Variants in IL1RAPL1 observed in about 807,000 individuals in gnomAD.
IL1RAPL1 encodes the protein interleukin-1 receptor accessory protein-like 1.
In IL1RAPL1, 3 loss-of-function variants were observed where a neutral mutation model predicts 48.4. The observed-to-expected ratio is 0.06, with a 90% CI of 0.03 to 0.16. The LOEUF (loss-of-function observed/expected upper bound fraction) is 0.16. Ranked by LOEUF, IL1RAPL1 falls within the 10% of genes least tolerant of loss-of-function variation. The pLI is 1.00. For missense variants in IL1RAPL1, 349 were observed against 530.6 expected, an observed-to-expected ratio of 0.66 and a Z score of 3.36; for synonymous variants, 185 against 187.7, an observed-to-expected ratio of 0.99 and a Z score of 0.12.
intron 2 of IL1RAPL1, among the ~76,000 whole-genome samples, chrX:28,843,410 A>T (rs1324577866): frequency 8.9e-6 from 1 of 111,785 alleles, no homozygotes; most frequent in Non-Finnish European, 1.9e-5. Flanking sequence ...AGCTGAACGT[A>T]AAAGATAGGT....
intron 2 of IL1RAPL1, among the ~76,000 whole-genome samples, chrX:29,019,853 T>C (rs979426756): frequency 1.2e-4 from 13 of 112,376 alleles, no homozygotes; most frequent in African/African-American, 4.2e-4. Context: ...ATCTGCCATG[T>C]ACAAGACTGT....
intron 1 of IL1RAPL1, among the ~76,000 whole-genome samples, chrX:28,737,205 CTCTT>C (rs762616408): frequency 0.18 from 9,006 of 50,164 alleles, 810 homozygotes; most frequent in Middle Eastern, 0.23. Flanking sequence ...TTCTTTCTTT[CTCTT>C]TCTTTCTTTC....
At chrX:29,089,344 T>A (rs1928027974) in intron 2 of IL1RAPL1, among the ~76,000 whole-genome samples, 1 of 111,183 alleles carries the variant, frequency 9.0e-6, no homozygotes, top group Admixed American at 9.6e-5. Context: ...TCAAGCTAAT[T>A]AACATACTCA....
At chrX:28,589,454 C>T (rs970774776) in intron 1 of IL1RAPL1, among the ~76,000 whole-genome samples, 1 of 110,825 alleles carries the variant, frequency 9.0e-6, no homozygotes, top group Non-Finnish European at 1.9e-5. Flanking sequence ...TAGTGAGTTT[C>T]GGAGGGACAT....
chrX:28,852,331 T>C (rs961769454), intron 2 of IL1RAPL1, among the ~76,000 whole-genome samples: 2 of 83,848 alleles, frequency 2.4e-5, no homozygotes, highest in Non-Finnish European at 4.3e-5. Context: ...AGCAACCTAA[T>C]CCATAACTTT....
At chrX:28,940,823 G>T (rs1924146178) in intron 2 of IL1RAPL1, among the ~76,000 whole-genome samples, 1 of 109,601 alleles carries the variant, frequency 9.1e-6, no homozygotes, top group African/African-American at 3.3e-5. Flanking sequence ...ATCACTTTTT[G>T]GATATATCTA....
At chrX:29,851,468 A>C (rs758931185) in intron 6 of IL1RAPL1, among the ~76,000 whole-genome samples, 41 of 112,303 alleles carry the variant, frequency 3.7e-4, no homozygotes, top group African/African-American at 1.3e-3. Flanking sequence ...CCACTGAAAT[A>C]ATGTAGAGCC....
At chrX:28,728,893 C>T (rs763641149) in intron 1 of IL1RAPL1, among the ~76,000 whole-genome samples, 1 of 111,302 alleles carries the variant, frequency 9.0e-6, no homozygotes, top group South Asian at 3.8e-4. Context: ...GATATTATGG[C>T]TATTCTAAAT....
chrX:28,835,411 A>T (rs772539572), intron 2 of IL1RAPL1, among the ~76,000 whole-genome samples: 1 of 111,612 alleles, frequency 9.0e-6, no homozygotes, highest in Admixed American at 9.6e-5. Flanking sequence ...ATGCAAGGAA[A>T]GAATGGCACT....
At chrX:28,950,270 G>A (rs1924419063) in intron 2 of IL1RAPL1, among the ~76,000 whole-genome samples, 1 of 65,392 alleles carries the variant, frequency 1.5e-5, no homozygotes, top group Non-Finnish European at 2.8e-5. Context: ...CGTTATTTCT[G>A]AGGGCTCTGT....
intron 5 of IL1RAPL1, among the ~76,000 whole-genome samples, chrX:29,517,376 G>C (rs1192253369): frequency 9.2e-6 from 1 of 109,261 alleles, no homozygotes; most frequent in South Asian, 3.9e-4. Context: ...TTTCTTTTAA[G>C]GTTTTTAATT....
intron 6 of IL1RAPL1, among the ~76,000 whole-genome samples, chrX:29,795,078 A>AGC (rs1300269994): frequency 8.9e-6 from 1 of 112,297 alleles, no homozygotes; most frequent in Non-Finnish European, 1.9e-5. Context: ...AAAGTAAATT[A>AGC]GCACATCTGT....
intron 1 of IL1RAPL1, among the ~76,000 whole-genome samples, chrX:28,668,952 TATTC>T (rs1261638815): frequency 1.8e-5 from 2 of 111,829 alleles, no homozygotes; most frequent in African/African-American, 6.5e-5. Context: ...ATAATAATAA[TATTC>T]ATTCTTTCTC....
At chrX:29,151,344 C>A (rs760942563) in intron 2 of IL1RAPL1, among the ~76,000 whole-genome samples, 2 of 111,920 alleles carry the variant, frequency 1.8e-5, no homozygotes, top group South Asian at 3.7e-4. Context: ...TGTTTTTAAT[C>A]CTGCTGCTTC....
At chrX:28,641,338 G>C (rs1221334326) in intron 1 of IL1RAPL1, among the ~76,000 whole-genome samples, 1 of 110,332 alleles carries the variant, frequency 9.1e-6, no homozygotes, top group East Asian at 2.9e-4. Flanking sequence ...TCCTGTGTTA[G>C]TTTGCTGAGA....
intron 5 of IL1RAPL1, among the ~76,000 whole-genome samples, chrX:29,408,732 C>T: frequency 8.9e-6 from 1 of 111,982 alleles, no homozygotes; most frequent in East Asian, 2.8e-4. Flanking sequence ...TCAAAAGGTA[C>T]ATCTTCCTCC....
At chrX:29,777,804 T>C (rs766052981) in intron 6 of IL1RAPL1, among the ~76,000 whole-genome samples, 68 of 111,047 alleles carry the variant, frequency 6.1e-4, no homozygotes, top group Non-Finnish European at 1.2e-3. Context: ...TTGATATAAA[T>C]AAATTGTATT....
chrX:28,628,477 A>G (rs1162207880), intron 1 of IL1RAPL1, among the ~76,000 whole-genome samples: 1 of 112,184 alleles, frequency 8.9e-6, no homozygotes, highest in African/African-American at 3.2e-5. Context: ...AGCTGTTTTG[A>G]TATACAGGAA....
intron 1 of IL1RAPL1, among the ~76,000 whole-genome samples, chrX:28,701,711 C>G (rs1183771595): frequency 3.6e-5 from 4 of 111,411 alleles, no homozygotes; most frequent in African/African-American, 1.3e-4. Context: ...ATTCAGCACC[C>G]AAAAACTTCC....
Sources: gnomAD v4.1 joint callset for allele counts (sites outside exome capture counted in the v4.1 genomes callset) on GRCh38, gnomAD v4.1.1 for gene constraint, MANE v1.5 for transcripts, NCBI Gene and HGNC (gene_info 2026-07-23, HGNC 2026-07-21) for gene names.